The following NT5DC3 variants were observed in gnomAD, a reference collection of about 807,000 sequenced individuals.
NT5DC3 encodes 5'-nucleotidase domain-containing protein 3.
NT5DC3 carries 42 observed loss-of-function variants against 67.8 expected under a neutral mutation model. That is an observed-to-expected ratio of 0.62 (90% CI 0.48 to 0.80). The LOEUF is 0.80. Ranked by LOEUF, NT5DC3 falls within the 30% of genes least tolerant of loss-of-function variation. The probability of loss-of-function intolerance (pLI) is 0.00; values close to 1 mark genes in which losing one functional copy is unlikely to be tolerated. For synonymous variants in NT5DC3, 237 were observed against 255.6 expected, an observed-to-expected ratio of 0.93 and a Z score of 0.69; for missense variants, 570 against 696.4, an observed-to-expected ratio of 0.82 and a Z score of 2.04.
chr12:103,772,623 G>A lies in NT5DC3; in HGVS notation c.*5206C>T, dbSNP rs1318630826. On this transcript the variant is annotated 3_prime_UTR_variant, in exon 14 of 14. Coordinates refer to ENST00000392876, the MANE Select transcript of NT5DC3 (RefSeq NM_001031701.3). Reference sequence around the variant, plus strand: ...GACAGTGCTGTGGGCTGAGCCGGCTGGGTACAGGCTTGTCAGGGAGAGGCA... The same window carrying A: ...GACAGTGCTGTGGGCTGAGCCGGCTAGGTACAGGCTTGTCAGGGAGAGGCA... The A allele has an allele frequency of 6.6e-6, 1 of 152,498 alleles. No homozygotes were observed. Among genetic ancestry groups the A allele is most frequent in the African/African-American group, 2.4e-5 (1 of 41,456 alleles). The allele number at this position is 152,498 out of a possible 1,614,324, so 9.4% of individuals were successfully genotyped here.
chr12:103,780,473 C>T, intron 12 of NT5DC3, 109 bp from the exon 13 acceptor site: 2 of 934,566 alleles, frequency 2.1e-6, no homozygotes, highest in East Asian at 2.5e-5. Context: ...TATTCCCTTA[C>T]ATCTCAGAGG....
chr12:103,787,544 C>T lies in NT5DC3; in HGVS notation c.1102-17G>A. 2.9e-6 allele frequency: 4 copies of T among 1,398,444 alleles called. No homozygotes were observed. Among genetic ancestry groups the T allele is most frequent in the Non-Finnish European group, 4.0e-6 (4 of 1,000,862 alleles). The allele number at this position is 1,398,444 out of a possible 1,614,324, so 86.6% of individuals were successfully genotyped here. ...TAAATTACCCTGTAATCAGAGAAAA[C>T]TATAGTTATTATTATTACAGATAGA... On this transcript the variant is annotated splice_polypyrimidine_tract_variant and intron_variant, in intron 10 of 13. Coordinates refer to ENST00000392876, the MANE Select transcript of NT5DC3 (RefSeq NM_001031701.3).
At chr12:103,820,118 C>T (rs1228762624) in intron 1 of NT5DC3, among the ~76,000 whole-genome samples, 1 of 152,218 alleles carries the variant, frequency 6.6e-6, no homozygotes, top group East Asian at 1.9e-4. Context: ...CCATTGTAGA[C>T]ATAAACCACC....
the NT5DC3 span, among the ~76,000 whole-genome samples, chr12:103,757,293 G>T: frequency 3.3e-5 from 5 of 151,866 alleles, no homozygotes; most frequent in Non-Finnish European, 5.9e-5. Context: ...TTACTATGTT[G>T]CCCAGGCTGG....
Position 103,796,939 on chromosome 12 carries a change from C to G in NT5DC3, c.708G>C (p.Lys236Asn), listed in dbSNP as rs1256483166. 1 of 1,614,062 alleles carries G rather than the reference C, an allele frequency of 6.2e-7. No homozygotes were observed. The highest frequency in any genetic ancestry group is 1.7e-5 in the Admixed American group (1 of 60,008). ...LLSCVNEYFL[K>N]NNIDYEPVHL... ...GCACAGGCTCATAGTCGATGTTGTT[C>G]TTGAGGAAGTATTCATTCACGCAGG... The change falls in exon 6 of 14, where the codon AAG (lysine) becomes AAC (asparagine). Residue 236 changes from lysine to asparagine, a missense_variant. This residue lies in a region of NT5DC3 where 466 missense variants were observed against 608.0 expected (regional missense o/e 0.77). Coordinates refer to ENST00000392876, the MANE Select transcript of NT5DC3 (RefSeq NM_001031701.3).
chr12:103,774,309 A>G lies in NT5DC3; in HGVS notation c.*3520T>C, dbSNP rs10735389. 110,838 of 152,184 alleles carry G rather than the reference A, an allele frequency of 0.73. 40,669 individuals are homozygous for G. The highest frequency in any genetic ancestry group is 0.9 in the East Asian group (4,684 of 5,182). 9.4% of individuals were successfully genotyped at this position (152,184 alleles called of 1,614,324 possible). ...TTTTTAAATGGCTGAAAACAGATTC[A>G]TTTCCCTTGTACCAATATGCATTCA... On this transcript the variant is annotated 3_prime_UTR_variant, in exon 14 of 14. Transcript: ENST00000392876.
At chr12:103,783,883 A>G (rs1282753057) in intron 12 of NT5DC3, among the ~76,000 whole-genome samples, 2 of 152,054 alleles carry the variant, frequency 1.3e-5, no homozygotes, top group African/African-American at 4.8e-5. Context: ...TGCCAGGGTC[A>G]CAGAGATTTC....
the NT5DC3 span, among the ~76,000 whole-genome samples, chr12:103,749,841 C>CAAAAAAAAAAAAAAAAA: frequency 2.7e-4 from 14 of 51,152 alleles, no homozygotes; most frequent in South Asian, 1.0e-3. Context: ...CTCTGTCTCA[C>CAAAAAAAAAAAAAAAAA]AAAAAAAAAA....
At chr12:103,762,100 A>G in the NT5DC3 span, among the ~76,000 whole-genome samples, 3 of 152,190 alleles carry the variant, frequency 2.0e-5, no homozygotes, top group Admixed American at 1.3e-4. Flanking sequence ...TCACACTTCA[A>G]TGGGTTATTT....
At chr12:103,770,409 T>C (rs895764294), downstream of NT5DC3, 4 of 150,742 alleles carry the variant, frequency 2.7e-5, no homozygotes, top group African/African-American at 9.8e-5. Context: ...TCTTAGAAAA[T>C]ATTTGACTAA....
the NT5DC3 span, chr12:103,759,131 A>G: frequency 6.2e-7 from 1 of 1,614,050 alleles, no homozygotes; most frequent in Non-Finnish European, 8.5e-7. Context: ...CTTTTTTCTC[A>G]GACCTTGTCT....
chr12:103,817,584 A>C (rs1284451596), intron 1 of NT5DC3, among the ~76,000 whole-genome samples: 1 of 123,336 alleles, frequency 8.1e-6, no homozygotes, highest in African/African-American at 3.2e-5. Context: ...ACATGCTATC[A>C]AGAAGACTTT....
At chr12:103,785,877 G>A (rs1885750594) in intron 11 of NT5DC3, 1 of 379,396 alleles carries the variant, frequency 2.6e-6, no homozygotes, top group African/African-American at 2.1e-5. Context: ...TCTGGGTTAT[G>A]GAGAACCATG....
intron 10 of NT5DC3, among the ~76,000 whole-genome samples, chr12:103,788,064 T>A (rs1275586990): frequency 6.6e-6 from 1 of 152,168 alleles, no homozygotes; most frequent in East Asian, 1.9e-4. Flanking sequence ...TTTTAAAAAA[T>A]GAACTTTAGT....
the NT5DC3 span, among the ~76,000 whole-genome samples, chr12:103,748,595 C>CACACACAT: frequency 7.4e-5 from 4 of 53,992 alleles, no homozygotes; most frequent in African/African-American, 3.1e-4. Context: ...CACACACACA[C>CACACACAT]ACACACACAT....
Position 103,841,227 on chromosome 12 carries a change from C to G in NT5DC3, c.-71G>C, listed in dbSNP as rs1036400673. On this transcript the variant is annotated 5_prime_UTR_variant, in exon 1 of 14. Transcript: ENST00000392876. ...GCTGCTGCCCGGCCCAAGATCTACC[C>G]GCGCTCTGCCCTGCAGGAGGGCAGC... 4.2e-5 allele frequency: 21 copies of G among 500,692 alleles called. No homozygotes were observed. The highest frequency in any genetic ancestry group is 6.6e-5 in the Non-Finnish European group (19 of 286,584). The allele number at this position is 500,692 out of a possible 1,614,324, so 31.0% of individuals were successfully genotyped here.
At chr12:103,763,937 A>G in the NT5DC3 span, 72 of 198,772 alleles carry the variant, frequency 3.6e-4, 1 homozygote, top group East Asian at 8.0e-3. Flanking sequence ...ATCATTTATG[A>G]GGTAGCAGGT....
chr12:103,755,434 G>A, the NT5DC3 span: 71 of 1,614,020 alleles, frequency 4.4e-5, no homozygotes, highest in Non-Finnish European at 5.9e-5. Flanking sequence ...CAACAAGAGT[G>A]AAATGTGGGA....
intron 2 of NT5DC3, among the ~76,000 whole-genome samples, chr12:103,809,903 G>C (rs1886958098): frequency 6.6e-6 from 1 of 152,156 alleles, no homozygotes; most frequent in African/African-American, 2.4e-5. Context: ...ATCAAATCCT[G>C]GTCCTGCTAT....
Sources: gnomAD v4.1 joint callset for allele counts (sites outside exome capture counted in the v4.1 genomes callset) on GRCh38, gnomAD v4.1.1 for gene constraint, gnomAD v4.1.1 regional missense constraint, MANE v1.5 for transcripts, NCBI Gene and HGNC (gene_info 2026-07-23, HGNC 2026-07-21) for gene names.